Variants in EMCN observed in about 807,000 individuals in gnomAD.
EMCN encodes the protein MUC-14.
Under a neutral mutation model 38.4 loss-of-function variants are expected in EMCN, and 37 were observed. That is an observed-to-expected ratio of 0.96 (90% CI 0.74 to 1.27). The LOEUF is 1.27. EMCN is among the 50% of genes most tolerant of loss of function. The probability of loss-of-function intolerance (pLI) is 0.00; values close to 1 mark genes in which losing one functional copy is unlikely to be tolerated. For synonymous variants in EMCN, 95 were observed against 100.8 expected (o/e 0.94, Z 0.35); for missense variants, 318 against 302.8 (o/e 1.05, Z -0.37).
chr4:100,408,644 T>A (rs1383994550), intron 11 of EMCN, among the ~76,000 whole-genome samples: 3 of 152,142 alleles, frequency 2.0e-5, no homozygotes, highest in Non-Finnish European at 4.4e-5. Context: ...GAGTGTGTGA[T>A]CCTCTCCCAC....
chr4:100,510,488 C>G (rs1322704951), intron 1 of EMCN, among the ~76,000 whole-genome samples: 1 of 152,146 alleles, frequency 6.6e-6, no homozygotes, highest in Non-Finnish European at 1.5e-5. Context: ...TTGGAATCAA[C>G]TTAGAAATAA....
chr4:100,474,618 C>T (rs747270374), intron 3 of EMCN, among the ~76,000 whole-genome samples: 3 of 152,084 alleles, frequency 2.0e-5, no homozygotes, highest in South Asian at 2.1e-4. Context: ...AATTAATAAA[C>T]GGATAAACAA....
At position 100,397,412 on chromosome 4, in the gene EMCN, A is replaced by T. The variant is rs1726146373; in HGVS notation, c.*1001T>A. ...TTAGAACAGTGATACAATGAAAAAT[A>T]ATATCATAATTATGTATTTATAAAG... On this transcript the variant is annotated 3_prime_UTR_variant, in exon 12 of 12. Transcript: ENST00000296420. 6.6e-6 allele frequency: 1 copy of T among 152,220 alleles called. No homozygotes were observed. Among genetic ancestry groups the T allele is most frequent in the Non-Finnish European group, 1.5e-5 (1 of 68,044 alleles). 9.4% of individuals were successfully genotyped at this position (152,220 alleles called of 1,614,324 possible).
At chr4:100,489,429 T>A (rs1334843935) in intron 1 of EMCN, among the ~76,000 whole-genome samples, 1 of 152,204 alleles carries the variant, frequency 6.6e-6, no homozygotes, top group East Asian at 1.9e-4. Flanking sequence ...ACAGCAGCAG[T>A]GTGGAGTCAT....
chr4:100,410,428 T>C, intron 10 of EMCN, 73 bp from the exon 11 acceptor site: 6 of 1,422,086 alleles, frequency 4.2e-6, no homozygotes, highest in Non-Finnish European at 5.9e-6. Context: ...TTTCCTAGCT[T>C]TTTTCTATTT....
chr4:100,466,978 G>A (rs370624505), intron 3 of EMCN, among the ~76,000 whole-genome samples: 3 of 152,162 alleles, frequency 2.0e-5, no homozygotes, highest in East Asian at 3.8e-4. Flanking sequence ...AACAGTCTTG[G>A]TGGAGGGAAA....
chr4:100,422,896 A>G (rs1283717491), intron 7 of EMCN, 125 bp downstream of exon 7: 15 of 834,718 alleles, frequency 1.8e-5, no homozygotes, highest in Non-Finnish European at 2.7e-5. Flanking sequence ...ATGGGATTGT[A>G]ATGGGATTGC....
rs1726133155 is a variant in EMCN, at chr4:100,396,796, G to C, written c.*1617C>G. ...ATTTTTTTTTTTTCTGAAGACAAAT[G>C]CTCTCTGATTGGCATGCTCCAGTCA... On this transcript the variant is annotated 3_prime_UTR_variant, in exon 12 of 12. Transcript: ENST00000296420. 1 of 151,170 alleles carries C rather than the reference G, an allele frequency of 6.6e-6. No individual in the cohort carries two copies. The highest frequency in any genetic ancestry group is 1.5e-5 in the Non-Finnish European group (1 of 67,864). 9.4% of individuals were successfully genotyped at this position (151,170 alleles called of 1,614,324 possible).
intron 10 of EMCN, among the ~76,000 whole-genome samples, chr4:100,415,681 T>C (rs537379558): frequency 6.6e-6 from 1 of 152,286 alleles, no homozygotes; most frequent in South Asian, 2.1e-4. Flanking sequence ...CACACATCTA[T>C]AGAAAGCAAC....
At chr4:100,436,338 G>T (rs188357764) in intron 5 of EMCN, among the ~76,000 whole-genome samples, 71 of 152,126 alleles carry the variant, frequency 4.7e-4, no homozygotes, top group African/African-American at 1.7e-3. Flanking sequence ...TCAGAATCAC[G>T]ATTGTTAAAA....
At chr4:100,491,141 T>C (rs1327484704) in intron 1 of EMCN, among the ~76,000 whole-genome samples, 1 of 152,198 alleles carries the variant, frequency 6.6e-6, no homozygotes, top group Non-Finnish European at 1.5e-5. Context: ...CTTTGATGTA[T>C]AGGGCTTTTT....
chr4:100,516,331 T>C (rs1729755265), intron 1 of EMCN, among the ~76,000 whole-genome samples: 1 of 152,100 alleles, frequency 6.6e-6, no homozygotes, highest in Non-Finnish European at 1.5e-5. Context: ...GAACGAATGA[T>C]CTATTCAGAG....
intron 5 of EMCN, among the ~76,000 whole-genome samples, chr4:100,443,989 G>A (rs1215840946): frequency 1.3e-5 from 2 of 152,192 alleles, no homozygotes; most frequent in Non-Finnish European, 2.9e-5. Context: ...CTGGACCCTG[G>A]GATGGTGGGA....
intron 3 of EMCN, among the ~76,000 whole-genome samples, chr4:100,467,824 T>C (rs1278306038): frequency 6.6e-6 from 1 of 152,120 alleles, no homozygotes; most frequent in Non-Finnish European, 1.5e-5. Context: ...AGAGAAAAAG[T>C]AAATCAATCT....
intron 5 of EMCN, among the ~76,000 whole-genome samples, chr4:100,426,515 G>A (rs1441689091): frequency 6.6e-6 from 1 of 152,050 alleles, no homozygotes; most frequent in Non-Finnish European, 1.5e-5. Context: ...TCCCCTCACA[G>A]GCATTTTTTC....
At chr4:100,463,485 A>C (rs940176799) in intron 4 of EMCN, among the ~76,000 whole-genome samples, 1 of 152,188 alleles carries the variant, frequency 6.6e-6, no homozygotes, top group African/African-American at 2.4e-5. Flanking sequence ...TTTTTCAACA[A>C]AGCTTTATAA....
chr4:100,517,482 A>G (rs1349214141), intron 1 of EMCN, among the ~76,000 whole-genome samples: 1 of 152,130 alleles, frequency 6.6e-6, no homozygotes, highest in Non-Finnish European at 1.5e-5. Context: ...TCACCCACAC[A>G]TGCCAATCTT....
At chr4:100,422,785 T>A (rs1410032940) in intron 7 of EMCN, among the ~76,000 whole-genome samples, 1 of 145,378 alleles carries the variant, frequency 6.9e-6, no homozygotes, top group African/African-American at 2.5e-5. Context: ...CTGTGCTTTT[T>A]TTCCTCTTCT....
At chr4:100,466,600 C>A (rs894098624) in intron 3 of EMCN, among the ~76,000 whole-genome samples, 2 of 152,156 alleles carry the variant, frequency 1.3e-5, no homozygotes, top group African/African-American at 2.4e-5. Flanking sequence ...GTTAATCCTG[C>A]ATATGAGAGA....
Sources: gnomAD v4.1 joint callset for allele counts (sites outside exome capture counted in the v4.1 genomes callset) on GRCh38, gnomAD v4.1.1 for gene constraint, MANE v1.5 for transcripts, NCBI Gene and HGNC (gene_info 2026-07-23, HGNC 2026-07-21) for gene names.